SMPD3: variants seen among roughly 807,000 people sequenced by gnomAD.
SMPD3 encodes the protein nSMase-2.
SMPD3 carries 21 observed loss-of-function variants against 55.7 expected under a neutral mutation model. The ratio of observed to expected loss-of-function variants is 0.38; its 90% CI spans 0.27 to 0.54. The LOEUF (loss-of-function observed/expected upper bound fraction) is 0.54, where lower values mean the gene tolerates loss of function less well. SMPD3 is among the 20% of genes least tolerant of loss of function. SMPD3 has a pLI of 0.80. For synonymous variants in SMPD3, 457 were observed against 404.3 expected (o/e 1.13, Z -1.56); for missense variants, 842 against 899.6 (o/e 0.94, Z 0.82).
At chr16:68,420,123 A>C (rs755052917) in intron 1 of SMPD3, among the ~76,000 whole-genome samples, 1 of 151,984 alleles carries the variant, frequency 6.6e-6, no homozygotes, top group Non-Finnish European at 1.5e-5. Flanking sequence ...CTGAGACCAC[A>C]GGCATGCACA....
At chr16:68,401,136 C>G (rs1284144386) in intron 1 of SMPD3, among the ~76,000 whole-genome samples, 1 of 152,180 alleles carries the variant, frequency 6.6e-6, no homozygotes, top group Non-Finnish European at 1.5e-5. Context: ...AGTGTCAGAA[C>G]TGGGACTTGA....
At chr16:68,368,018 C>T (rs770866460) in intron 3 of SMPD3, 2 of 152,274 alleles carry the variant, frequency 1.3e-5, no homozygotes, top group African/African-American at 2.4e-5. Context: ...GCGAGTCCCT[C>T]CAGCGTCCCG....
chr16:68,385,672 C>CA (rs1567795364), intron 2 of SMPD3, among the ~76,000 whole-genome samples: 1 of 152,198 alleles, frequency 6.6e-6, no homozygotes, highest in Non-Finnish European at 1.5e-5. Flanking sequence ...TGGGCTCTTA[C>CA]AGTAGTCTTG....
intron 1 of SMPD3, among the ~76,000 whole-genome samples, chr16:68,389,534 T>G (rs1441312779): frequency 6.6e-6 from 1 of 152,188 alleles, no homozygotes; most frequent in Non-Finnish European, 1.5e-5. Flanking sequence ...TAACACTGAC[T>G]TCACAGGTCC....
At chr16:68,398,948 C>G (rs1597645663) in intron 1 of SMPD3, among the ~76,000 whole-genome samples, 1 of 152,178 alleles carries the variant, frequency 6.6e-6, no homozygotes, top group Non-Finnish European at 1.5e-5. Context: ...CCTTTGACAT[C>G]GTGGCCAGGA....
At chr16:68,436,709 T>C (rs1197318431) in intron 1 of SMPD3, among the ~76,000 whole-genome samples, 4 of 152,238 alleles carry the variant, frequency 2.6e-5, no homozygotes, top group Non-Finnish European at 5.9e-5. Flanking sequence ...AAACTGTACT[T>C]TGCTCAGCAT....
chr16:68,397,393 A>G (rs74024638), intron 1 of SMPD3, among the ~76,000 whole-genome samples: 2 of 152,114 alleles, frequency 1.3e-5, no homozygotes, highest in Non-Finnish European at 2.9e-5. Flanking sequence ...GGGGATTGGG[A>G]GGTATAAACC....
At chr16:68,390,964 G>A (rs1567797491) in intron 1 of SMPD3, among the ~76,000 whole-genome samples, 1 of 152,134 alleles carries the variant, frequency 6.6e-6, no homozygotes, top group Non-Finnish European at 1.5e-5. Flanking sequence ...GGTGGTGAGT[G>A]GTTGGTTCAA....
intron 7 of SMPD3, among the ~76,000 whole-genome samples, chr16:68,362,189 T>C (rs1530643): frequency 0.75 from 113,606 of 152,094 alleles, 42,807 homozygotes; most frequent in East Asian, 0.86. Flanking sequence ...AGAGCACCTC[T>C]GAGGAGTCTC....
intron 1 of SMPD3, among the ~76,000 whole-genome samples, chr16:68,427,972 G>A (rs551126875): frequency 5.9e-5 from 9 of 152,126 alleles, no homozygotes; most frequent in African/African-American, 1.9e-4. Context: ...ACTTCAGAGA[G>A]GGGAGGGTCT....
intron 1 of SMPD3, among the ~76,000 whole-genome samples, chr16:68,401,421 G>A (rs1391499264): frequency 6.6e-5 from 10 of 152,226 alleles, no homozygotes; most frequent in Admixed American, 2.0e-4. Flanking sequence ...GAGTTTGGGC[G>A]GTTGGGGTTG....
At chr16:68,401,073 T>C (rs184273982) in intron 1 of SMPD3, among the ~76,000 whole-genome samples, 10 of 152,166 alleles carry the variant, frequency 6.6e-5, no homozygotes, top group Non-Finnish European at 1.5e-4. Context: ...AGAGCTCAGA[T>C]AGTGAAACAG....
At chr16:68,421,749 G>A (rs1252819030) in intron 1 of SMPD3, among the ~76,000 whole-genome samples, 1 of 152,176 alleles carries the variant, frequency 6.6e-6, no homozygotes, top group African/African-American at 2.4e-5. Flanking sequence ...AGAGTCTAGG[G>A]GTGGGCATTG....
At chr16:68,366,700 G>A (rs941140423) in intron 3 of SMPD3, among the ~76,000 whole-genome samples, 5 of 152,034 alleles carry the variant, frequency 3.3e-5, no homozygotes, top group African/African-American at 9.7e-5. Context: ...ACCCCATCTC[G>A]ACTAAGAATA....
At chr16:68,406,450 A>T (rs1291380373) in intron 1 of SMPD3, among the ~76,000 whole-genome samples, 4 of 152,066 alleles carry the variant, frequency 2.6e-5, no homozygotes, top group African/African-American at 9.7e-5. Context: ...GCTGGTTGGG[A>T]TGGCTGGGGC....
At chr16:68,373,976 C>T (rs1054710609) in intron 2 of SMPD3, among the ~76,000 whole-genome samples, 14 of 152,250 alleles carry the variant, frequency 9.2e-5, no homozygotes, top group Non-Finnish European at 1.5e-4. Context: ...GACCCCTTGC[C>T]CCGGTGGCTT....
At chr16:68,393,000 A>G (rs144433238) in intron 1 of SMPD3, among the ~76,000 whole-genome samples, 1 of 151,956 alleles carries the variant, frequency 6.6e-6, no homozygotes, top group Admixed American at 6.6e-5. Flanking sequence ...CTAACCTGTA[A>G]GAAACTAAAT....
At chr16:68,435,855 C>T (rs1013421967) in intron 1 of SMPD3, among the ~76,000 whole-genome samples, 7 of 152,194 alleles carry the variant, frequency 4.6e-5, no homozygotes, top group Non-Finnish European at 8.8e-5. Context: ...AGCCTGGCTA[C>T]TGGGGAGGGT....
chr16:68,439,082 A>G (rs1299106802), intron 1 of SMPD3, among the ~76,000 whole-genome samples: 1 of 152,204 alleles, frequency 6.6e-6, no homozygotes, highest in Non-Finnish European at 1.5e-5. Flanking sequence ...AAGCATTTTC[A>G]TATATGTTGC....
Sources: gnomAD v4.1 joint callset for allele counts (sites outside exome capture counted in the v4.1 genomes callset) on GRCh38, gnomAD v4.1.1 for gene constraint, MANE v1.5 for transcripts, NCBI Gene and HGNC (gene_info 2026-07-23, HGNC 2026-07-21) for gene names.